Variants in SEC14L1 observed in about 807,000 individuals in gnomAD.
The protein encoded by SEC14L1 is SEC14 like lipid binding 1, also known as SEC14-like protein 1.
SEC14L1 carries 48 observed loss-of-function variants against 85.3 expected under a neutral mutation model. The ratio of observed to expected loss-of-function variants is 0.56; its 90% CI spans 0.45 to 0.72. The LOEUF (loss-of-function observed/expected upper bound fraction) is 0.72, where lower values mean the gene tolerates loss of function less well. Among genes scored for constraint, SEC14L1 ranks in the 30% least tolerant of loss-of-function variants. The probability of loss-of-function intolerance (pLI) is 0.00; values close to 1 mark genes in which losing one functional copy is unlikely to be tolerated. For missense variants in SEC14L1, 682 were observed against 921.4 expected, an observed-to-expected ratio of 0.74 and a Z score of 3.36; for synonymous variants, 391 against 355.5, an observed-to-expected ratio of 1.10 and a Z score of -1.12.
In SEC14L1 at chr17:77,114,040, C is replaced by T. The variant is rs373083730; in HGVS notation, c.-136+20693C>T. On this transcript the variant is annotated intron_variant, in intron 3 of 19. Transcript: ENST00000392476. ...CCTTCTGGTCCCAGGAGAGAGATCC[C>T]GGCTGCTAAATGCGGGTGCAAATAA... is the stretch of plus-strand genomic sequence containing the variant. Among the ~76,000 whole-genome samples the T allele has an allele frequency of 1.7e-3, 258 of 152,284 alleles. 2 individuals are homozygous for T. Among genetic ancestry groups the T allele is most frequent in the African/African-American group, 5.7e-3 (237 of 41,560 alleles).
At chr17:77,133,742 C>G (rs1210115388) in intron 3 of SEC14L1, among the ~76,000 whole-genome samples, 2 of 151,952 alleles carry the variant, frequency 1.3e-5, no homozygotes, top group Non-Finnish European at 2.9e-5. Flanking sequence ...AGTTCGAGAC[C>G]AGCCTGGCCA....
chr17:77,215,063 G>A lies in SEC14L1; in HGVS notation c.*1040G>A, dbSNP rs373770164. ...GTACATGGGAATTGTGGACTCATGC[G>A]TGTGTGTGTGTGCATGTGCTGTGTG... On this transcript the variant is annotated 3_prime_UTR_variant, in exon 17 of 17. Transcript: ENST00000436233. The A allele has an allele frequency of 1.2e-4, 73 of 621,240 alleles. No homozygotes were observed. Among genetic ancestry groups the A allele is most frequent in the Non-Finnish European group, 1.4e-4 (69 of 505,706 alleles). 38.5% of individuals were successfully genotyped at this position (621,240 alleles called of 1,614,324 possible). A position where few individuals can be genotyped will look rare whatever the true frequency, so the allele number is the denominator to read the frequency against.
intron 3 of SEC14L1, 135 bp downstream of exon 3, chr17:77,143,794 C>T (rs558967833): frequency 1.9e-4 from 123 of 643,924 alleles, no homozygotes; most frequent in South Asian, 5.1e-4. Flanking sequence ...GCTTATGAAC[C>T]GTATCTAGAG....
chr17:77,114,936 C>T (rs1017886590), intron 3 of SEC14L1, among the ~76,000 whole-genome samples: 1 of 151,342 alleles, frequency 6.6e-6, no homozygotes, highest in African/African-American at 2.4e-5. Flanking sequence ...AGCAGGAACA[C>T]AGGTCTCTTC....
At chr17:77,190,437 C>T (rs150114130) in intron 3 of SEC14L1, among the ~76,000 whole-genome samples, 359 of 152,050 alleles carry the variant, frequency 2.4e-3, no homozygotes, top group African/African-American at 8.5e-3. Context: ...GCCTTAATAC[C>T]GGGGTGACTG....
chr17:77,194,625 G>C, intron 6 of SEC14L1, 52 bp from the exon 7 acceptor site: 1 of 1,392,862 alleles, frequency 7.2e-7, no homozygotes, highest in Admixed American at 1.8e-5. Context: ...GGAGAGATGA[G>C]TAATTTGAAT....
intron 3 of SEC14L1, among the ~76,000 whole-genome samples, chr17:77,111,907 G>A (rs1426755377): frequency 6.6e-6 from 1 of 152,162 alleles, no homozygotes; most frequent in South Asian, 2.1e-4. Context: ...TTTGAAATGT[G>A]AGGACATGAG....
At chr17:77,195,454 G>T (rs1975761618) in intron 7 of SEC14L1, among the ~76,000 whole-genome samples, 1 of 152,100 alleles carries the variant, frequency 6.6e-6, no homozygotes, top group Admixed American at 6.5e-5. Flanking sequence ...GAGTAGCTGG[G>T]ACCACAGGCA....
rs1055327750 is a variant in SEC14L1, at chr17:77,213,204, C to T, written c.1864-110C>T. On this transcript the variant is annotated intron_variant, in intron 15 of 16. Transcript: ENST00000436233. The surrounding 1 kb of genome is among the most constrained non-coding windows in gnomAD (Gnocchi z 7.1). ...TTCTGAATCCCATTGAGATAGTTTC[C>T]GTAGCTACATGAAATCCTAAAGACA... 11 of 916,038 alleles carry T rather than the reference C, an allele frequency of 1.2e-5. No individual in the cohort carries two copies. Among genetic ancestry groups the T allele is most frequent in the South Asian group, 8.7e-5 (5 of 57,440 alleles). 56.7% of individuals were successfully genotyped at this position (916,038 alleles called of 1,614,324 possible).
Position 77,193,452 on chromosome 17 carries a change from T to A in SEC14L1, c.377T>A (p.Phe126Tyr). The A allele has an allele frequency of 1.2e-6, 2 of 1,612,076 alleles. No individual in the cohort carries two copies. The highest frequency in any genetic ancestry group is 4.5e-5 in the East Asian group (2 of 44,832). ...CCTGAAAATGAAGATTGGACCTGTT[T>A]TGAACAGTCTGCAAGTTTAGATATT... ...VHPENEDWTC[F>Y]EQSASLDIKS... is the part of the protein sequence containing the mutation. Residue 126 changes from phenylalanine (F) to tyrosine (Y), a missense_variant, in exon 6 of 17, where the codon TTT (phenylalanine) becomes TAT (tyrosine). Transcript: ENST00000436233.
chr17:77,125,129 C>T (rs1314044434), intron 3 of SEC14L1, among the ~76,000 whole-genome samples: 1 of 151,704 alleles, frequency 6.6e-6, no homozygotes. Flanking sequence ...CTCAGCCTCC[C>T]AAGCAGCTGG....
intron 3 of SEC14L1, among the ~76,000 whole-genome samples, chr17:77,157,285 C>T (rs1973855467): frequency 6.6e-6 from 1 of 152,186 alleles, no homozygotes; most frequent in Non-Finnish European, 1.5e-5. Context: ...CTTCTCCAAA[C>T]ACGTATTATC....
chr17:77,139,408 G>A (rs941807943), upstream of SEC14L1, among the ~76,000 whole-genome samples: 1 of 151,922 alleles, frequency 6.6e-6, no homozygotes, highest in African/African-American at 2.4e-5. Context: ...CTGACCTCAG[G>A]TGATCCACCC....
rs557493866 is a variant in SEC14L1 at position 77,215,010 on chromosome 17, G to A, written c.*987G>A. 9 of 985,512 alleles carry A rather than the reference G, an allele frequency of 9.1e-6. No homozygotes were observed. Among genetic ancestry groups the A allele is most frequent in the African/African-American group, 8.7e-5 (5 of 57,316 alleles). 61.0% of individuals were successfully genotyped at this position (985,512 alleles called of 1,614,324 possible). A position where few individuals can be genotyped will look rare whatever the true frequency, so the allele number is the denominator to read the frequency against. ...GCTCTCGCATCCACTTCAGGGTGGC[G>A]TGTGGCATGTAGGAGTCCTGCTTCT... On this transcript the variant is annotated 3_prime_UTR_variant, in exon 17 of 17. Coordinates refer to ENST00000436233, the MANE Select transcript of SEC14L1 (RefSeq NM_001143998.2).
In SEC14L1 at chr17:77,206,622, G is replaced by C; in HGVS notation, c.1342-106G>C. ...CTTTACAGAAGAAGTATATAAACTT[G>C]AATGTCTTCCCCCCACCCTCCCACT... is the stretch of plus-strand genomic sequence containing the variant. On this transcript the variant is annotated intron_variant, in intron 12 of 16. Transcript: ENST00000436233. The surrounding 1 kb of genome is among the most constrained non-coding windows in gnomAD (Gnocchi z 4.3). 7.2e-7 allele frequency: 1 copy of C among 1,379,618 alleles called. No homozygotes were observed. The highest frequency in any genetic ancestry group is 9.9e-7 in the Non-Finnish European group (1 of 1,005,782). 85.5% of individuals were successfully genotyped at this position (1,379,618 alleles called of 1,614,324 possible).
intron 2 of SEC14L1, chr17:77,089,832 A>T (rs900966964): frequency 2.3e-5 from 4 of 175,092 alleles, no homozygotes; most frequent in African/African-American, 9.6e-5. Context: ...TCTGGCCAAC[A>T]TGATGAAACC....
chr17:77,189,588 TC>T (rs1195633804), intron 3 of SEC14L1, among the ~76,000 whole-genome samples: 1 of 152,204 alleles, frequency 6.6e-6, no homozygotes, highest in East Asian at 1.9e-4. Flanking sequence ...AAATCCCTCC[TC>T]CCATTTTGTA....
Position 77,216,491 on chromosome 17 carries a change from A to G in SEC14L1, c.*2468A>G. 1 of 1,612,746 alleles carries G rather than the reference A, an allele frequency of 6.2e-7. No homozygotes were observed. The highest frequency in any genetic ancestry group is 1.1e-5 in the South Asian group (1 of 91,074). ...CTTCCACCTGGTGCTTCCTGTTCCC[A>G]AATCACAAGGGCCTGAAGGTGGTCC... On this transcript the variant is annotated 3_prime_UTR_variant, in exon 17 of 17. Transcript: ENST00000436233.
intron 3 of SEC14L1, among the ~76,000 whole-genome samples, chr17:77,108,805 A>AAAT (rs369588470): frequency 0.011 from 1,488 of 131,638 alleles, 34 homozygotes; most frequent in Admixed American, 0.037. Context: ...AAAAAAAAAA[A>AAAT]GAATGTATAT....
Sources: gnomAD v4.1 joint callset for allele counts (sites outside exome capture counted in the v4.1 genomes callset) on GRCh38, gnomAD v4.1.1 for gene constraint, Gnocchi (gnomAD v3.1) non-coding constraint, MANE v1.5 for transcripts, NCBI Gene and HGNC (gene_info 2026-07-23, HGNC 2026-07-21) for gene names.